Variants in CERK observed in about 807,000 individuals in gnomAD.
CERK encodes acylsphingosine kinase.
In CERK, 39 loss-of-function variants were observed where a neutral mutation model predicts 63.4. The ratio of observed to expected loss-of-function variants is 0.61; its 90% confidence interval spans 0.48 to 0.80. CERK has a LOEUF of 0.80. CERK is among the 30% of genes least tolerant of loss of function. The probability of loss-of-function intolerance (pLI) is 0.00; values close to 1 mark genes in which losing one functional copy is unlikely to be tolerated. For missense variants in CERK, 670 were observed against 714.1 expected (o/e 0.94, Z 0.70); for synonymous variants, 302 against 280.0 (o/e 1.08, Z -0.78).
chr22:46,715,516 GT>G (rs1317871297), intron 3 of CERK, among the ~76,000 whole-genome samples: 2 of 152,116 alleles, frequency 1.3e-5, no homozygotes, highest in Non-Finnish European at 2.9e-5. Flanking sequence ...TCAAGCAGAT[GT>G]TTATAGTTAA....
At chr22:46,710,971 G>A in intron 5 of CERK, 115 bp downstream of exon 5, 2 of 733,652 alleles carry the variant, frequency 2.7e-6, no homozygotes, top group Admixed American at 2.5e-5. Context: ...TTTTACAATT[G>A]GTCGTGGGTG....
At chr22:46,695,466 A>G (rs1318482087) in intron 8 of CERK, 151 bp from the exon 9 acceptor site, 1 of 655,268 alleles carries the variant, frequency 1.5e-6, no homozygotes. Flanking sequence ...AGGCCATGTC[A>G]CCATTGAAGG....
rs140374680 is a variant in CERK, at chr22:46,708,415, C to T, written c.570-427G>A. On this transcript the variant is annotated intron_variant, in intron 5 of 12. Coordinates refer to ENST00000216264, the MANE Select transcript of CERK (RefSeq NM_022766.6). ...AGAGGCACAGCAGTCTGCGCGGGGA[C>T]GTTTCTCCTTTGCTAAGCTGGCTGT... Among the ~76,000 whole-genome samples, 19 of 152,362 alleles carry T rather than the reference C, an allele frequency of 1.2e-4. No homozygotes were observed. In the South Asian group the frequency reaches 2.7e-3, roughly 22 times the overall value.
Position 46,705,962 on chromosome 22 carries a change from G to A in CERK, c.715+1881C>T, listed in dbSNP as rs140548655. ...TGAGGCAAGAGGATCACTTGAGCCT[G>A]GGGCAGTCTAGGCTGCAGTGAGCCA... On this transcript the variant is annotated intron_variant, in intron 6 of 12. Transcript: ENST00000216264. Among the ~76,000 whole-genome samples the A allele has an allele frequency of 1.1e-3, 172 of 152,192 alleles. 1 individual carries two copies. Among genetic ancestry groups the A allele is most frequent in the African/African-American group, 3.9e-3 (162 of 41,536 alleles).
At chr22:46,731,393 C>G (rs1378328372) in intron 1 of CERK, among the ~76,000 whole-genome samples, 6 of 152,176 alleles carry the variant, frequency 3.9e-5, no homozygotes, top group Non-Finnish European at 8.8e-5. Context: ...GGGAGCTGTA[C>G]CCCCCACCCA....
intron 5 of CERK, among the ~76,000 whole-genome samples, chr22:46,709,325 A>T (rs957562789): frequency 1.3e-5 from 2 of 152,210 alleles, no homozygotes; most frequent in African/African-American, 4.8e-5. Context: ...ATAAGGTGCC[A>T]GCCCCATCCC....
At chr22:46,704,944 A>G (rs1393152447) in intron 6 of CERK, among the ~76,000 whole-genome samples, 1 of 152,250 alleles carries the variant, frequency 6.6e-6, no homozygotes, top group African/African-American at 2.4e-5. Context: ...ACCTGTGAAA[A>G]GCAGTGTGGC....
chr22:46,719,239 T>C (rs1034896411), intron 3 of CERK, among the ~76,000 whole-genome samples: 1 of 151,914 alleles, frequency 6.6e-6, no homozygotes, highest in African/African-American at 2.4e-5. Flanking sequence ...GTTATATAGG[T>C]AAAGTGCGTG....
At chr22:46,693,578 GTATT>G in intron 9 of CERK, 75 bp from the exon 10 acceptor site, 3 of 1,202,940 alleles carry the variant, frequency 2.5e-6, no homozygotes, top group Non-Finnish European at 3.7e-6. Flanking sequence ...ACATATAGAT[GTATT>G]TACATTCTTT....
intron 1 of CERK, among the ~76,000 whole-genome samples, chr22:46,729,935 A>C (rs949154564): frequency 1.3e-5 from 2 of 152,036 alleles, no homozygotes; most frequent in Non-Finnish European, 2.9e-5. Context: ...GCTACTCAGG[A>C]GGCTGAGGCA....
intron 6 of CERK, among the ~76,000 whole-genome samples, chr22:46,702,422 G>A (rs2082791442): frequency 1.3e-5 from 2 of 152,028 alleles, no homozygotes; most frequent in Non-Finnish European, 2.9e-5. Flanking sequence ...CTCCCGAGGA[G>A]CTGGGATTAC....
At chr22:46,720,271 T>A in intron 2 of CERK, 63 bp from the exon 3 acceptor site, 1 of 1,562,278 alleles carries the variant, frequency 6.4e-7, no homozygotes, top group Non-Finnish European at 8.7e-7. Flanking sequence ...AAACCTCAAG[T>A]GAATATGCAC....
At chr22:46,723,551 G>A (rs1420767828) in intron 1 of CERK, among the ~76,000 whole-genome samples, 4 of 150,916 alleles carry the variant, frequency 2.7e-5, no homozygotes, top group Admixed American at 6.6e-5. Flanking sequence ...CCCGGGAGGC[G>A]GAGGTTGCCG....
chr22:46,737,887 A>G, intron 1 of CERK, 120 bp downstream of exon 1: 1 of 465,756 alleles, frequency 2.1e-6, no homozygotes, highest in Non-Finnish European at 2.8e-6. Context: ...CTGCGCTCCC[A>G]GGGCCCCCGG....
In CERK at chr22:46,722,739, A is replaced by T. The variant is rs371567519; in HGVS notation, c.143-1724T>A. On this transcript the variant is annotated intron_variant, in intron 1 of 12. Coordinates refer to ENST00000216264, the MANE Select transcript of CERK (RefSeq NM_022766.6). ...AGGTCCAGCTGATTTTTGTATTTTT[A>T]GTAGAGACAGGGTTTTGCCATGTTA... Among the ~76,000 whole-genome samples, 42 of 152,168 alleles carry T rather than the reference A, an allele frequency of 2.8e-4. 1 individual carries two copies. In the South Asian group the frequency reaches 3.9e-3, roughly 14 times the overall value.
At chr22:46,699,857 G>A (rs2082774899) in intron 7 of CERK, among the ~76,000 whole-genome samples, 1 of 152,244 alleles carries the variant, frequency 6.6e-6, no homozygotes, top group African/African-American at 2.4e-5. Context: ...GGGAGGCCGA[G>A]GCGGGCAGAT....
In CERK at chr22:46,685,890, A is replaced by G. The variant is rs1256426031; in HGVS notation, c.*1244T>C. The G allele has an allele frequency of 6.6e-6, 1 of 152,220 alleles. No individual in the cohort carries two copies. Among genetic ancestry groups the G allele is most frequent in the Admixed American group, 6.5e-5 (1 of 15,282 alleles). 9.4% of individuals were successfully genotyped at this position (152,220 alleles called of 1,614,324 possible). ...GGAACGGTGTCTACAGCGTGCTCCA[A>G]ACGGCCACGGCCCCGCTCCTTACAG... is the stretch of plus-strand genomic sequence containing the variant. On this transcript the variant is annotated 3_prime_UTR_variant, in exon 13 of 13. Coordinates refer to ENST00000216264, the MANE Select transcript of CERK (RefSeq NM_022766.6).
At chr22:46,692,426 TAAAAAAAAAA>T (rs553286743) in intron 10 of CERK, among the ~76,000 whole-genome samples, 4 of 93,114 alleles carry the variant, frequency 4.3e-5, no homozygotes, top group East Asian at 2.8e-4. Flanking sequence ...AACTCTGTCT[TAAAAAAAAAA>T]AAAAAAAAAA....
intron 1 of CERK, among the ~76,000 whole-genome samples, chr22:46,733,084 T>C (rs1313078936): frequency 6.6e-6 from 1 of 150,588 alleles, no homozygotes; most frequent in Admixed American, 6.6e-5. Context: ...GGTGGGTGCC[T>C]GTAGTCCCAG....
Sources: gnomAD v4.1 joint callset for allele counts (sites outside exome capture counted in the v4.1 genomes callset) on GRCh38, gnomAD v4.1.1 for gene constraint, MANE v1.5 for transcripts, NCBI Gene and HGNC (gene_info 2026-07-23, HGNC 2026-07-21) for gene names.